TSBP1: variants seen among roughly 807,000 people sequenced by gnomAD.
TSBP1 encodes testis expressed basic protein 1.
Under a neutral mutation model 68.8 loss-of-function variants are expected in TSBP1, and 56 were observed. The ratio of observed to expected loss-of-function variants is 0.81; its 90% CI spans 0.66 to 1.02. TSBP1 has a LOEUF of 1.02. Among genes scored for constraint, TSBP1 ranks in the 50% least tolerant of loss-of-function variants. The pLI is 0.00. For missense variants in TSBP1, 502 were observed against 641.2 expected, an observed-to-expected ratio of 0.78 and a Z score of 2.34; for synonymous variants, 171 against 208.7, an observed-to-expected ratio of 0.82 and a Z score of 1.56.
intron 6 of TSBP1, among the ~76,000 whole-genome samples, chr6:32,363,088 T>G (rs1443243277): frequency 6.6e-6 from 1 of 152,206 alleles, no homozygotes. Flanking sequence ...TTATATCCTC[T>G]TGATGAATTA....
intron 6 of TSBP1, among the ~76,000 whole-genome samples, chr6:32,362,705 A>G (rs951696736): frequency 2.0e-5 from 3 of 152,222 alleles, no homozygotes; most frequent in Non-Finnish European, 4.4e-5. Flanking sequence ...GTCATCTAAA[A>G]CAACTTGCAA....
In TSBP1 at chr6:32,336,646, A is replaced by G. The variant is rs767332238; in HGVS notation, c.410-11T>C. ...GGGCTGTGAATTGCACTGAAATACA[A>G]AAAGGAGGAAAGTGTGGTTTGACAT... is the stretch of plus-strand genomic sequence containing the variant. On this transcript the variant is annotated splice_polypyrimidine_tract_variant and intron_variant, in intron 11 of 22. Transcript: ENST00000612031. The surrounding 1 kb of genome is among the most constrained non-coding windows in gnomAD (Gnocchi z 5.2). 6.2e-7 allele frequency: 1 copy of G among 1,611,816 alleles called. No homozygotes were observed. Among genetic ancestry groups the G allele is most frequent in the South Asian group, 1.1e-5 (1 of 91,056 alleles).
At chr6:32,293,673 G>C in exon 23 of TSBP1, 1 of 1,612,986 alleles carries the variant, frequency 6.2e-7, no homozygotes, top group Non-Finnish European at 8.5e-7. Flanking sequence ...TGGGACTCCT[G>C]TCCTCTTGGT....
Position 32,357,478 on chromosome 6 carries a change from C to T in TSBP1, c.218-1809G>A, listed in dbSNP as rs1238895807. 6.6e-6 allele frequency among the ~76,000 whole-genome samples: 1 copy of T among 152,178 alleles called. No individual in the cohort carries two copies. The highest frequency in any genetic ancestry group is 1.9e-4 in the East Asian group (1 of 5,202). On this transcript the variant is annotated intron_variant, in intron 6 of 22. Transcript: ENST00000612031. The surrounding 1 kb of genome is among the most constrained non-coding windows in gnomAD (Gnocchi z 4.7). Reference sequence around the variant, plus strand: ...TAATGTTTTTTAAGCATAAGTTTCTCTTCTGTAAATTAGGGATAACAATAG... The same window carrying T: ...TAATGTTTTTTAAGCATAAGTTTCTTTTCTGTAAATTAGGGATAACAATAG...
chr6:32,357,101 C>T lies in TSBP1; in HGVS notation c.218-1432G>A, dbSNP rs752830984. On this transcript the variant is annotated intron_variant, in intron 6 of 22. Transcript: ENST00000612031. This position sits in a 1 kb window ranked among gnomAD's most constrained non-coding sequence, Gnocchi z 4.7. The stretch of plus-strand genomic sequence containing the variant: ...AATAATGGAGGGAAGACTAGCAGGG[C>T]GTGGGAACCTAGAAACTTAGGATGA... Among the ~76,000 whole-genome samples, 9 of 151,968 alleles carry T rather than the reference C, an allele frequency of 5.9e-5. No homozygotes were observed. Among genetic ancestry groups the T allele is most frequent in the Non-Finnish European group, 1.2e-4 (8 of 67,998 alleles).
rs1484170692 is a variant in TSBP1 at position 32,327,964 on chromosome 6, A to T, written c.514+2625T>A. Among the ~76,000 whole-genome samples the T allele has an allele frequency of 4.4e-5, 6 of 136,182 alleles. No individual in the cohort carries two copies. In the East Asian group the frequency reaches 1.0e-3, roughly 23 times the overall value. The allele number at this position is 136,182 out of a possible 152,430, so 89.3% of individuals were successfully genotyped here. A position where few individuals can be genotyped will look rare whatever the true frequency, so the allele number is the denominator to read the frequency against. ...CCGCCACCATGCCCGACTTATTATT[A>T]TTTTTTTTTTTTTGTATTTTTAGTA... On this transcript the variant is annotated intron_variant, in intron 16 of 22. Transcript: ENST00000612031.
At chr6:32,363,021 AT>A (rs569286774) in intron 6 of TSBP1, among the ~76,000 whole-genome samples, 35 of 152,276 alleles carry the variant, frequency 2.3e-4, no homozygotes, top group African/African-American at 6.7e-4. Context: ...CCCTTCAGTT[AT>A]GTAAATATTA....
chr6:32,345,862 T>C (rs1232113405), intron 9 of TSBP1, among the ~76,000 whole-genome samples: 1 of 152,172 alleles, frequency 6.6e-6, no homozygotes, highest in South Asian at 2.1e-4. Flanking sequence ...GAGGGCCTCA[T>C]CCATTCTGTA....
At chr6:32,317,430 A>G (rs1226832209) in intron 18 of TSBP1, among the ~76,000 whole-genome samples, 1 of 152,228 alleles carries the variant, frequency 6.6e-6, no homozygotes, top group Non-Finnish European at 1.5e-5. Flanking sequence ...AACAAAAGCA[A>G]CTGTAACAAA....
At chr6:32,307,639 A>G (rs932545132) in intron 19 of TSBP1, among the ~76,000 whole-genome samples, 1 of 152,134 alleles carries the variant, frequency 6.6e-6, no homozygotes, top group South Asian at 2.1e-4. Flanking sequence ...ATCTTTATTT[A>G]GTTACAGATG....
chr6:32,300,044 GAGCAC>G, intron 21 of TSBP1, 108 bp from the exon 25 acceptor site: 21 of 848,900 alleles, frequency 2.5e-5, no homozygotes, highest in Admixed American at 7.3e-5. Context: ...GACTTGGAGG[GAGCAC>G]AAAACTCTGT....
At chr6:32,355,773 G>T in intron 6 of TSBP1, 104 bp from the exon 7 acceptor site, 1 of 1,380,348 alleles carries the variant, frequency 7.2e-7, no homozygotes, top group Non-Finnish European at 9.6e-7. Context: ...CAAATATCCA[G>T]TTAGGCAAGA....
At chr6:32,293,585 C>A in exon 23 of TSBP1, 1 of 1,612,890 alleles carries the variant, frequency 6.2e-7, no homozygotes, top group Non-Finnish European at 8.5e-7. Flanking sequence ...GGCTTCCTGT[C>A]CTTTCAGTAC....
chr6:32,338,454 C>G lies in TSBP1; in HGVS notation c.409+525G>C, dbSNP rs189980397. On this transcript the variant is annotated intron_variant, in intron 11 of 22. Transcript: ENST00000612031. This position sits in a 1 kb window ranked among gnomAD's most constrained non-coding sequence, Gnocchi z 5.5. ...CTTCCTCTCACTTATTCCTTATTCTCTATTCCCAACCAGTGCTTCTTCCAG... is the reference window on the plus strand; with the variant it reads ...CTTCCTCTCACTTATTCCTTATTCTGTATTCCCAACCAGTGCTTCTTCCAG... Among the ~76,000 whole-genome samples, 114 of 152,284 alleles carry G rather than the reference C, an allele frequency of 7.5e-4. 3 individuals carry two copies. Among genetic ancestry groups the G allele is most frequent in the Admixed American group, 7.4e-3 (113 of 15,300 alleles).
At chr6:32,309,603 A>G (rs1421395545) in intron 19 of TSBP1, among the ~76,000 whole-genome samples, 1 of 151,826 alleles carries the variant, frequency 6.6e-6, no homozygotes, top group Non-Finnish European at 1.5e-5. Flanking sequence ...AAATTTTTTT[A>G]TTTTTAATTT....
chr6:32,345,595 T>C (rs751503601), intron 9 of TSBP1, among the ~76,000 whole-genome samples: 75 of 152,250 alleles, frequency 4.9e-4, no homozygotes, highest in Middle Eastern at 3.4e-3. Flanking sequence ...TCTAGGATTA[T>C]TATGAAGAAA....
chr6:32,353,946 A>G (rs1203568800), intron 8 of TSBP1, among the ~76,000 whole-genome samples: 2 of 152,024 alleles, frequency 1.3e-5, no homozygotes, highest in Admixed American at 1.3e-4. Context: ...TTAAAGTTCT[A>G]TATGTAGAAA....
chr6:32,332,155 G>A, intron 14 of TSBP1, 101 bp from the exon 16 acceptor site: 8 of 817,104 alleles, frequency 9.8e-6, no homozygotes, highest in Non-Finnish European at 1.7e-5. Context: ...TAGAGCAGGG[G>A]AGAGGAAGTG....
chr6:32,327,198 C>T (rs144609930), intron 16 of TSBP1, among the ~76,000 whole-genome samples: 4 of 152,242 alleles, frequency 2.6e-5, no homozygotes, highest in African/African-American at 2.4e-5. Flanking sequence ...TCTACACACA[C>T]AAGACAGAAA....
Sources: allele counts gnomAD v4.1 joint callset (sites outside exome capture counted in the v4.1 genomes callset), GRCh38; gene constraint gnomAD v4.1.1; non-coding constraint Gnocchi (gnomAD v3.1); transcripts MANE v1.5; gene names NCBI Gene and HGNC (gene_info 2026-07-23, HGNC 2026-07-21).